The following TYW1 variants were observed in gnomAD, a reference collection of about 807,000 sequenced individuals.
The protein encoded by TYW1 is tRNA-yW synthesizing protein 1 homolog, also known as S-adenosyl-L-methionine-dependent tRNA 4-demethylwyosine synthase TYW1.
A neutral mutation model predicts 96.2 loss-of-function variants in TYW1; 46 were observed. That is an observed-to-expected ratio of 0.48 (90% CI 0.38 to 0.61). TYW1 has a LOEUF of 0.61. Ranked by LOEUF, TYW1 falls within the 20% of genes least tolerant of loss-of-function variation. The pLI, the probability that TYW1 is intolerant of heterozygous loss-of-function variation, is 0.00. For missense variants in TYW1, 684 were observed against 909.6 expected (o/e 0.75, Z 3.19); for synonymous variants, 274 against 323.0 (o/e 0.85, Z 1.63).
Position 67,121,405 on chromosome 7 carries a change from G to A in TYW1, c.1698+3787G>A, listed in dbSNP as rs534054626. Reference sequence around the variant, plus strand: ...ACAAAAAAACAATTAGCCAGGAGTGGTGGCAGGTACCTGTAATCCCAGCTA... The same window carrying A: ...ACAAAAAAACAATTAGCCAGGAGTGATGGCAGGTACCTGTAATCCCAGCTA... On this transcript the variant is annotated intron_variant, in intron 13 of 15. Transcript: ENST00000359626. Among the ~76,000 whole-genome samples the A allele has an allele frequency of 9.9e-5, 15 of 152,258 alleles. No individual in the cohort carries two copies. The South Asian group carries it at 2.3e-3, about 23-fold the overall frequency.
chr7:67,089,406 A>G, intron 11 of TYW1: 2 of 1,260,816 alleles, frequency 1.6e-6, no homozygotes, highest in East Asian at 2.3e-5. Context: ...GCCTGCTGGT[A>G]AAGGTCGAAG....
At chr7:67,039,879 T>C (rs1320582389) in intron 7 of TYW1, among the ~76,000 whole-genome samples, 1 of 151,996 alleles carries the variant, frequency 6.6e-6, no homozygotes, top group Non-Finnish European at 1.5e-5. Context: ...GCCAGGATGG[T>C]CTTGATCCAT....
At chr7:67,046,431 G>A (rs1795188923) in intron 7 of TYW1, among the ~76,000 whole-genome samples, 1 of 152,062 alleles carries the variant, frequency 6.6e-6, no homozygotes, top group African/African-American at 2.4e-5. Context: ...AACCAGATTG[G>A]GCTAGTTATG....
intron 9 of TYW1, among the ~76,000 whole-genome samples, chr7:67,058,932 A>G (rs1447538382): frequency 6.6e-5 from 10 of 152,110 alleles, no homozygotes; most frequent in African/African-American, 2.2e-4. Context: ...GTCAACCTGA[A>G]TAACAAACAG....
chr7:67,045,440 A>G (rs1270554821), intron 7 of TYW1, among the ~76,000 whole-genome samples: 3 of 152,106 alleles, frequency 2.0e-5, no homozygotes, highest in East Asian at 1.9e-4. Context: ...CTGGTTTCCA[A>G]TTCCTTGGCT....
intron 15 of TYW1, among the ~76,000 whole-genome samples, chr7:67,199,522 C>T (rs1563067742): frequency 6.6e-6 from 1 of 152,138 alleles, no homozygotes; most frequent in Non-Finnish European, 1.5e-5. Flanking sequence ...TGGTTCCTGC[C>T]TGATAAAATG....
chr7:67,006,835 C>G (rs969464500), intron 3 of TYW1, among the ~76,000 whole-genome samples: 1 of 151,380 alleles, frequency 6.6e-6, no homozygotes, highest in Non-Finnish European at 1.5e-5. Context: ...GCTCTACAAG[C>G]ATGGTGCCAA....
intron 13 of TYW1, among the ~76,000 whole-genome samples, chr7:67,176,076 C>T (rs1174243707): frequency 6.6e-6 from 1 of 151,780 alleles, no homozygotes; most frequent in East Asian, 1.9e-4. Flanking sequence ...AGTCAGCTTA[C>T]AAAAATCAGT....
intron 6 of TYW1, among the ~76,000 whole-genome samples, chr7:67,019,208 A>G (rs923622975): frequency 6.6e-6 from 1 of 152,232 alleles, no homozygotes; most frequent in African/African-American, 2.4e-5. Flanking sequence ...GAAGTGCTCT[A>G]CAGGCTCACA....
At chr7:67,105,039 A>G (rs568847899) in intron 12 of TYW1, among the ~76,000 whole-genome samples, 7 of 152,246 alleles carry the variant, frequency 4.6e-5, no homozygotes, top group Non-Finnish European at 7.3e-5. Context: ...CCCAGCAGCT[A>G]TGCTGCACTT....
At chr7:67,188,692 A>C (rs1314494385) in intron 14 of TYW1, among the ~76,000 whole-genome samples, 1 of 152,188 alleles carries the variant, frequency 6.6e-6, no homozygotes, top group Non-Finnish European at 1.5e-5. Context: ...CGTTTGGTAA[A>C]AAGGAAAAGT....
intron 9 of TYW1, among the ~76,000 whole-genome samples, chr7:67,060,528 A>G (rs531348098): frequency 1.3e-5 from 2 of 152,376 alleles, no homozygotes; most frequent in East Asian, 3.9e-4. Context: ...CTGTAACCCT[A>G]TGAGCTGTTT....
chr7:67,034,917 C>T (rs1017324639), intron 7 of TYW1, among the ~76,000 whole-genome samples: 1 of 152,112 alleles, frequency 6.6e-6, no homozygotes, highest in Non-Finnish European at 1.5e-5. Context: ...AAGAGTTTCC[C>T]ATCTGTTTCC....
rs148502628 is a variant in TYW1, at chr7:67,080,834, G to A, written c.1275-2596G>A. ...TTTTTTTTTAAAATTCATTCAGCCA[G>A]TTTATATCTTTTAACAAGGGACTTT... On this transcript the variant is annotated intron_variant, in intron 10 of 15. Coordinates refer to ENST00000359626, the MANE Select transcript of TYW1 (RefSeq NM_018264.4). 2.3e-3 allele frequency among the ~76,000 whole-genome samples: 340 copies of A among 150,178 alleles called. 1 individual carries two copies. Among genetic ancestry groups the A allele is most frequent in the African/African-American group, 7.6e-3 (310 of 40,914 alleles).
At chr7:67,141,311 C>T (rs6978418) in intron 13 of TYW1, among the ~76,000 whole-genome samples, 1 of 152,014 alleles carries the variant, frequency 6.6e-6, no homozygotes, top group Non-Finnish European at 1.5e-5. Flanking sequence ...TTATGCAAAC[C>T]TAAGAGGCCA....
intron 13 of TYW1, among the ~76,000 whole-genome samples, chr7:67,178,225 T>C (rs1256870639): frequency 1.3e-5 from 2 of 151,958 alleles, no homozygotes; most frequent in East Asian, 1.9e-4. Flanking sequence ...GTAGCACTCA[T>C]GGCAGCAGTA....
At chr7:67,050,098 C>G in intron 8 of TYW1, 32 bp downstream of exon 8, 1 of 1,610,642 alleles carries the variant, frequency 6.2e-7, no homozygotes, top group South Asian at 1.1e-5. Context: ...TGTTATATGA[C>G]TGTAGTCTTA....
chr7:67,105,927 C>T (rs1470015533), intron 12 of TYW1, among the ~76,000 whole-genome samples: 11 of 104,602 alleles, frequency 1.1e-4, no homozygotes, highest in Middle Eastern at 0.012. Context: ...GGAGGAGTTT[C>T]GCTCTTGTTG....
In TYW1 at chr7:67,030,081, C is replaced by T. The variant is rs534337992; in HGVS notation, c.984+5059C>T. ...CCAGGCACATCAGTGTGTTCCTCAA[C>T]CAGGAAGCCCCACTGAGCTTCAGTG... On this transcript the variant is annotated intron_variant, in intron 7 of 15. Transcript: ENST00000359626. Among the ~76,000 whole-genome samples, 13 of 152,272 alleles carry T rather than the reference C, an allele frequency of 8.5e-5. 1 individual carries two copies. The East Asian group carries it at 2.5e-3, about 29-fold the overall frequency.
Sources: allele counts gnomAD v4.1 joint callset (sites outside exome capture counted in the v4.1 genomes callset), GRCh38; gene constraint gnomAD v4.1.1; transcripts MANE v1.5; gene names NCBI Gene and HGNC (gene_info 2026-07-23, HGNC 2026-07-21).